BCAS1: variants seen among roughly 807,000 people sequenced by gnomAD.
The protein encoded by BCAS1 is breast carcinoma-amplified sequence 1.
A neutral mutation model predicts 65.4 loss-of-function variants in BCAS1; 46 were observed. The ratio of observed to expected loss-of-function variants is 0.70; its 90% CI spans 0.55 to 0.90. The LOEUF is 0.90. BCAS1 is among the 40% of genes least tolerant of loss of function. The pLI, the probability that BCAS1 is intolerant of heterozygous loss-of-function variation, is 0.00. For missense variants in BCAS1, 793 were observed against 771.2 expected (o/e 1.03, Z -0.33); for synonymous variants, 298 against 293.5 (o/e 1.02, Z -0.16).
At position 53,957,412 on chromosome 20, in the gene BCAS1, C is replaced by T. The variant is rs1056148633; in HGVS notation, c.1551+20G>A. On this transcript the variant is annotated intron_variant, in intron 11 of 12. Coordinates refer to ENST00000688948, the MANE Select transcript of BCAS1 (RefSeq NM_001366298.2). ...ATACACCACTAATCCCACCACCAAA[C>T]TGAGTTCGAGGTCACTTACTTGGCA... The T allele has an allele frequency of 1.9e-6, 3 of 1,606,820 alleles. No individual in the cohort carries two copies. Among genetic ancestry groups the T allele is most frequent in the South Asian group, 2.2e-5 (2 of 90,942 alleles).
At chr20:54,055,705 G>A (rs1231316939) in intron 3 of BCAS1, among the ~76,000 whole-genome samples, 1 of 152,074 alleles carries the variant, frequency 6.6e-6, no homozygotes, top group Non-Finnish European at 1.5e-5. Flanking sequence ...GTAGCCCCAG[G>A]TTCATTGCAG....
At chr20:54,012,043 G>A (rs913226780) in intron 4 of BCAS1, among the ~76,000 whole-genome samples, 2 of 152,074 alleles carry the variant, frequency 1.3e-5, no homozygotes, top group Non-Finnish European at 2.9e-5. Flanking sequence ...CCACAGCATG[G>A]GATACTACTT....
intron 12 of BCAS1, among the ~76,000 whole-genome samples, chr20:53,950,721 C>CAA: frequency 6.6e-6 from 1 of 152,184 alleles, no homozygotes; most frequent in African/African-American, 2.4e-5. Context: ...ATACCTCCAG[C>CAA]GCCTAGTTCA....
At position 53,964,679 on chromosome 20, in the gene BCAS1, T is replaced by C. The variant is rs2299734; in HGVS notation, c.1485+2227A>G. The stretch of plus-strand genomic sequence containing the variant: ...GAATTTAGACTTACCCATTTTCTAC[T>C]GCCAAAAACTTTTCCCAAACAGCAT... On this transcript the variant is annotated intron_variant, in intron 10 of 12. Transcript: ENST00000688948. 3.7e-4 allele frequency among the ~76,000 whole-genome samples: 56 copies of C among 152,344 alleles called. No homozygotes were observed. The East Asian group carries it at 0.011, about 29-fold the overall frequency.
intron 3 of BCAS1, among the ~76,000 whole-genome samples, chr20:54,053,440 A>C (rs1014611615): frequency 1.3e-5 from 2 of 152,204 alleles, no homozygotes; most frequent in Non-Finnish European, 2.9e-5. Context: ...CCTGATTGAT[A>C]TCTCTCACAT....
intron 8 of BCAS1, among the ~76,000 whole-genome samples, chr20:53,978,880 T>G (rs1388690418): frequency 6.6e-6 from 1 of 152,210 alleles, no homozygotes; most frequent in African/African-American, 2.4e-5. Flanking sequence ...CTATGCAATC[T>G]TGAGCAAATT....
At chr20:53,945,792 AG>A (rs2089294443) in intron 12 of BCAS1, among the ~76,000 whole-genome samples, 1 of 152,044 alleles carries the variant, frequency 6.6e-6, no homozygotes, top group South Asian at 2.1e-4. Context: ...TATTTTTTTG[AG>A]ACAAAGTCTT....
chr20:53,949,636 C>T (rs960405286), intron 12 of BCAS1, among the ~76,000 whole-genome samples: 6 of 152,180 alleles, frequency 3.9e-5, no homozygotes, highest in African/African-American at 1.4e-4. Flanking sequence ...AGGGAAGCCC[C>T]CCTCCGTCCT....
chr20:53,978,357 T>A (rs1161276871), intron 8 of BCAS1, among the ~76,000 whole-genome samples: 1 of 151,330 alleles, frequency 6.6e-6, no homozygotes, highest in Non-Finnish European at 1.5e-5. Context: ...TTACTTAATA[T>A]TTTTTTCTTA....
At position 53,974,556 on chromosome 20, in the gene BCAS1, G is replaced by A. The variant is rs564832948; in HGVS notation, c.1317+833C>T. Among the ~76,000 whole-genome samples, 34 of 152,176 alleles carry A rather than the reference G, an allele frequency of 2.2e-4. 1 individual carries two copies. Among genetic ancestry groups the A allele is most frequent in the South Asian group, 8.3e-4 (4 of 4,824 alleles). On this transcript the variant is annotated intron_variant, in intron 9 of 12. Transcript: ENST00000688948. ...TAACTAAATAAAAATAAAAACACAC[G>A]CCCTATTTATGGCAAGTAAATAAGG...
chr20:54,028,469 T>C lies in BCAS1; in HGVS notation c.646A>G (p.Lys216Glu). The C allele has an allele frequency of 1.9e-6, 3 of 1,614,206 alleles. No homozygotes were observed. Among genetic ancestry groups the C allele is most frequent in the Non-Finnish European group, 2.5e-6 (3 of 1,180,034 alleles). Residue 216 changes from lysine to glutamate, a missense_variant, in exon 4 of 13, where the codon AAG becomes GAG. By Grantham distance (56) the Lys-to-Glu change is moderately conservative. Transcript: ENST00000688948. ...ACCTTGTCTTGATGCTCTGCCCTCT[T>C]GGCTTCCTGTTGGCTGTCACCTGGC... Reference protein sequence around the residue: ...KVPGDSQQEAKRAEHQDKVDE... With the variant: ...KVPGDSQQEAERAEHQDKVDE...
At chr20:53,977,076 CT>C (rs1387056333) in intron 8 of BCAS1, among the ~76,000 whole-genome samples, 2 of 152,168 alleles carry the variant, frequency 1.3e-5, no homozygotes, top group East Asian at 3.9e-4. Context: ...ACAGGCACAT[CT>C]TACATGGTGG....
Position 54,028,298 on chromosome 20 carries a change from G to C in BCAS1, c.723+94C>G, listed in dbSNP as rs74641839. ...GGTCAACAGCTTGCCACCTTGCCTA[G>C]GCCCAGGGTGACTGCATATGTGCAG... On this transcript the variant is annotated intron_variant, in intron 4 of 12. Coordinates refer to ENST00000688948, the MANE Select transcript of BCAS1 (RefSeq NM_001366298.2). The C allele has an allele frequency of 3.7e-3, 5,028 of 1,341,460 alleles. 155 individuals carry two copies. In the African/African-American group the frequency reaches 0.063, roughly 17 times the overall value. 83.1% of individuals were successfully genotyped at this position (1,341,460 alleles called of 1,614,324 possible).
At chr20:53,981,199 C>T (rs1186396746) in intron 8 of BCAS1, among the ~76,000 whole-genome samples, 1 of 152,184 alleles carries the variant, frequency 6.6e-6, no homozygotes, top group Non-Finnish European at 1.5e-5. Context: ...GACAGCTCTT[C>T]TGAGTCCATT....
intron 8 of BCAS1, among the ~76,000 whole-genome samples, chr20:53,980,701 G>A (rs995526198): frequency 5.3e-5 from 8 of 152,252 alleles, no homozygotes; most frequent in South Asian, 2.1e-4. Context: ...GTATTATAGC[G>A]TCCTCTTTGA....
chr20:53,944,788 G>A lies in BCAS1; in HGVS notation c.*134C>T. 1 of 860,504 alleles carries A rather than the reference G, an allele frequency of 1.2e-6. No individual in the cohort carries two copies. The highest frequency in any genetic ancestry group is 1.6e-5 in the African/African-American group (1 of 60,632). 53.3% of individuals were successfully genotyped at this position (860,504 alleles called of 1,614,324 possible). ...TACACCTCAATATACAACAGCTCGG[G>A]CTTAATTTCTAGGCAGAATTTCATT... On this transcript the variant is annotated 3_prime_UTR_variant, in exon 13 of 13. Transcript: ENST00000688948.
At chr20:53,948,639 C>A (rs2089412244) in intron 12 of BCAS1, among the ~76,000 whole-genome samples, 1 of 152,206 alleles carries the variant, frequency 6.6e-6, no homozygotes, top group Admixed American at 6.5e-5. Flanking sequence ...TAAATGCAAC[C>A]CCTTTCCTGC....
chr20:53,993,758 C>T (rs920732802), intron 6 of BCAS1, among the ~76,000 whole-genome samples: 12 of 152,138 alleles, frequency 7.9e-5, no homozygotes, highest in Admixed American at 2.6e-4. Flanking sequence ...CCTATGACCT[C>T]GGAGCAAATG....
At chr20:54,030,907 A>G (rs534298404) in intron 3 of BCAS1, among the ~76,000 whole-genome samples, 1 of 151,460 alleles carries the variant, frequency 6.6e-6, no homozygotes, top group Non-Finnish European at 1.5e-5. Flanking sequence ...AAAAAGAGGG[A>G]GAATAAGTAA....
Sources: allele counts gnomAD v4.1 joint callset (sites outside exome capture counted in the v4.1 genomes callset), GRCh38; gene constraint gnomAD v4.1.1; transcripts MANE v1.5; gene names NCBI Gene and HGNC (gene_info 2026-07-23, HGNC 2026-07-21).